Variants in PRODH2 observed in about 807,000 individuals in gnomAD.
PRODH2 encodes the protein proline dehydrogenase 2.
PRODH2 carries 49 observed loss-of-function variants against 51.9 expected under a neutral mutation model. The observed-to-expected ratio is 0.94, with a 90% CI of 0.75 to 1.20. PRODH2 has a LOEUF of 1.20. PRODH2 is among the 50% of genes most tolerant of loss of function. PRODH2 has a pLI of 0.00. For missense variants in PRODH2, 597 were observed against 610.9 expected, an observed-to-expected ratio of 0.98 and a Z score of 0.24; for synonymous variants, 249 against 260.7, an observed-to-expected ratio of 0.96 and a Z score of 0.43.
intron 4 of PRODH2, among the ~76,000 whole-genome samples, chr19:35,808,761 T>G (rs1488019453): frequency 6.6e-6 from 1 of 151,426 alleles, no homozygotes; most frequent in Non-Finnish European, 1.5e-5. Context: ...AGCCTGGGTC[T>G]TTCTCTCTTT....
chr19:35,812,067 C>G lies in PRODH2; in HGVS notation c.511-19G>C. The G allele has an allele frequency of 6.2e-7, 1 of 1,614,008 alleles. No individual in the cohort carries two copies. On this transcript the variant is annotated intron_variant, in intron 3 of 9. Transcript: ENST00000653904. ...GCTCCTTCTGAAATGGGGTGGTAGG[C>G]GGGGTGGTGAGGGGAGCCCGATGGG...
At position 35,812,613 on chromosome 19, in the gene PRODH2, C is replaced by T. The variant is rs981952846; in HGVS notation, c.174+19G>A. 8 of 1,595,944 alleles carry T rather than the reference C, an allele frequency of 5.0e-6. No homozygotes were observed. The Admixed American group carries it at 1.0e-4, about 20-fold the overall frequency. ...GGCTATGAGGAGCCTCCAGGCTGGTCCTCAGGATCACTGCTCACCAACAGC... is the reference window on the plus strand; with the variant it reads ...GGCTATGAGGAGCCTCCAGGCTGGTTCTCAGGATCACTGCTCACCAACAGC... On this transcript the variant is annotated intron_variant, in intron 1 of 9. Coordinates refer to ENST00000653904, the MANE Select transcript of PRODH2 (RefSeq NM_021232.2).
intron 7 of PRODH2, 61 bp from the exon 8 acceptor site, chr19:35,803,139 G>C: frequency 2.1e-5 from 26 of 1,213,472 alleles, no homozygotes; most frequent in Non-Finnish European, 2.8e-5. Context: ...CAGCGACTGG[G>C]GTGGGTGGGG....
intron 5 of PRODH2, 35 bp from the exon 6 acceptor site, chr19:35,806,865 G>T: frequency 6.4e-7 from 1 of 1,563,804 alleles, no homozygotes; most frequent in South Asian, 1.2e-5. Context: ...AGGGCCCCGG[G>T]TGTCCAGCAG....
At position 35,812,728 on chromosome 19, in the gene PRODH2, G is replaced by C; in HGVS notation, c.78C>G (p.Gly26=). The stretch of plus-strand genomic sequence containing the variant: ...CTGTGCCCTTAAGGTGGAAGGCCCC[G>C]CCATCAAAGCTCAGGGACTGCCAGC... ...SRGWQSLSFD[G]GAFHLKGTGE... is the part of the protein sequence containing the mutation. The change falls in exon 1 of 10, where the codon GGC becomes GGG. Residue 26 remains glycine (G), a synonymous_variant. Transcript: ENST00000653904. The C allele has an allele frequency of 6.2e-7, 1 of 1,611,506 alleles. No homozygotes were observed. Among genetic ancestry groups the C allele is most frequent in the South Asian group, 1.1e-5 (1 of 90,800 alleles).
At position 35,802,239 on chromosome 19, in the gene PRODH2, A is replaced by G. The variant is rs1972444199; in HGVS notation, c.1150T>C (p.Cys384Arg). Residue 384 changes from cysteine (C) to arginine (R), a missense_variant, in exon 9 of 10, where the codon TGT (cysteine) becomes CGT (arginine). Transcript: ENST00000653904. Reference protein sequence around the residue: ...ELGIPLDGTVCFGQLLGMCDH... With the variant: ...ELGIPLDGTVRFGQLLGMCDH... ...CACATGCCCAGAAGTTGTCCGAAAC[A>G]GACAGTCCCATCCAGAGGAATGCCC... The G allele has an allele frequency of 6.2e-7, 1 of 1,614,064 alleles. No individual in the cohort carries two copies. The highest frequency in any genetic ancestry group is 1.3e-5 in the African/African-American group (1 of 74,908).
rs1440867208 is a variant in PRODH2, at chr19:35,806,442, G to T, written c.989C>A (p.Ala330Asp). 6.2e-7 allele frequency: 1 copy of T among 1,613,966 alleles called. No individual in the cohort carries two copies. Among genetic ancestry groups the T allele is most frequent in the African/African-American group, 1.3e-5 (1 of 74,976 alleles). ...GGCCCGGGCCTACCTCTGACTGGTG[G>T]CCTCATAGTCAGGCTGAGTGGGGTC... Reference protein sequence around the residue: ...MEDPTQPDYEATSQSYSRCLE... With the variant: ...MEDPTQPDYEDTSQSYSRCLE... Residue 330 changes from alanine (A) to aspartate (D), a missense_variant, in exon 7 of 10, where the codon GCC becomes GAC. By Grantham distance (126) the Ala-to-Asp change is moderately radical. Coordinates refer to ENST00000653904, the MANE Select transcript of PRODH2 (RefSeq NM_021232.2).
intron 8 of PRODH2, 66 bp from the exon 9 acceptor site, chr19:35,802,342 T>C (rs1972446311): frequency 1.5e-6 from 2 of 1,333,438 alleles, no homozygotes; most frequent in Admixed American, 1.7e-5. Flanking sequence ...TCAGCCACTA[T>C]GCACCCATAT....
chr19:35,803,022 C>A lies in PRODH2; in HGVS notation c.1058G>T (p.Cys353Phe). 1 of 1,576,580 alleles carries A rather than the reference C, an allele frequency of 6.3e-7. No individual in the cohort carries two copies. The highest frequency in any genetic ancestry group is 8.6e-7 in the Non-Finnish European group (1 of 1,158,006). ...LTHVARHGPM[C>F]HLMVASHNEE... ...ATTGTGGGAAGCCACCATGAGGTGGCACATGGGGCCATGGCGGGCCACGTG... is the reference window on the plus strand; with the variant it reads ...ATTGTGGGAAGCCACCATGAGGTGGAACATGGGGCCATGGCGGGCCACGTG... The change falls in exon 8 of 10, where the codon TGC becomes TTC. Residue 353 changes from cysteine (C) to phenylalanine (F), a missense_variant. Cys to Phe is a radical substitution (Grantham distance 205). Coordinates refer to ENST00000653904, the MANE Select transcript of PRODH2 (RefSeq NM_021232.2).
intron 9 of PRODH2, among the ~76,000 whole-genome samples, chr19:35,800,585 A>G (rs1275934400): frequency 6.6e-6 from 1 of 151,890 alleles, no homozygotes; most frequent in Non-Finnish European, 1.5e-5. Flanking sequence ...GGCTGGGGGG[A>G]CACTCCCCAG....
Position 35,806,736 on chromosome 19 carries a change from C to A in PRODH2, c.773G>T (p.Arg258Leu), listed in dbSNP as rs200328227. The A allele has an allele frequency of 6.2e-7, 1 of 1,613,840 alleles. No homozygotes were observed. The highest frequency in any genetic ancestry group is 8.5e-7 in the Non-Finnish European group (1 of 1,179,932). Residue 258 changes from arginine to leucine, a missense_variant, in exon 6 of 10, where the codon CGC (arginine) becomes CTC (leucine). By Grantham distance (102) the Arg-to-Leu change is moderately radical. Coordinates refer to ENST00000653904, the MANE Select transcript of PRODH2 (RefSeq NM_021232.2). ...CCCGCCTTCACCCGGGCTGTTCCAG[C>A]GCACAGCCAGGGCAGCCACCAGCAG... ...LSLLVAALAVRWNSPGEGGPW... is the reference protein window; with the variant it reads ...LSLLVAALAVLWNSPGEGGPW...
At position 35,812,541 on chromosome 19, in the gene PRODH2, G is replaced by T. The variant is rs1160823162; in HGVS notation, c.190C>A (p.Arg64=). The T allele has an allele frequency of 3.1e-6, 5 of 1,613,892 alleles. No homozygotes were observed. The highest frequency in any genetic ancestry group is 4.2e-6 in the Non-Finnish European group (5 of 1,179,870). ...GAGAGCCGGGAGCCCAGGAGTCGCC[G>T]AGACCAGGCCTGGAGCTGGGTGACA... ...THGLLLQAWS[R]RLLGSRLSGA... is the part of the protein sequence containing the mutation. The change falls in exon 2 of 10, where the codon CGG becomes AGG. Residue 64 remains arginine (R), a synonymous_variant. Coordinates refer to ENST00000653904, the MANE Select transcript of PRODH2 (RefSeq NM_021232.2).
Position 35,802,078 on chromosome 19 carries a change from G to T in PRODH2, c.1198+113C>A. The T allele has an allele frequency of 5.3e-6, 5 of 951,354 alleles. No homozygotes were observed. The South Asian group carries it at 5.5e-5, about 10-fold the overall frequency. 58.9% of individuals were successfully genotyped at this position (951,354 alleles called of 1,614,324 possible). ...AAGGCCCACAGACACTGGAATGACA[G>T]ATCTCTCTGGAAGGATCTGGAGGCT... On this transcript the variant is annotated intron_variant, in intron 9 of 9. Transcript: ENST00000653904.
chr19:35,801,074 G>A, intron 9 of PRODH2, among the ~76,000 whole-genome samples: 1 of 152,144 alleles, frequency 6.6e-6, no homozygotes, highest in East Asian at 1.9e-4. Flanking sequence ...GGCGGAGGCA[G>A]GAGAATCACT....
At chr19:35,811,459 G>GGGAGGGAGGGAGGGAT (rs1159102096) in intron 4 of PRODH2, among the ~76,000 whole-genome samples, 16 of 127,098 alleles carry the variant, frequency 1.3e-4, no homozygotes, top group Non-Finnish European at 2.5e-4. Flanking sequence ...AAGGAAGGAA[G>GGGAGGGAGGGAGGGAT]GGAGGGAGGG....
intron 1 of PRODH2, 24 bp downstream of exon 1, chr19:35,812,608 C>T: frequency 6.3e-7 from 1 of 1,598,068 alleles, no homozygotes; most frequent in Non-Finnish European, 8.5e-7. Flanking sequence ...AGCCTCCAGG[C>T]TGGTCCTCAG....
chr19:35,802,321 A>G (rs1423922676), intron 8 of PRODH2, 45 bp from the exon 9 acceptor site: 2 of 1,583,826 alleles, frequency 1.3e-6, no homozygotes, highest in South Asian at 2.2e-5. Flanking sequence ...GGCTGCATCT[A>G]CAGCTTAAAG....
chr19:35,805,326 G>A (rs895566878), intron 7 of PRODH2, among the ~76,000 whole-genome samples: 1 of 152,088 alleles, frequency 6.6e-6, no homozygotes, highest in Non-Finnish European at 1.5e-5. Context: ...GAGTGTAGTG[G>A]CTCAATCTTG....
At chr19:35,804,630 G>C (rs1044158910) in intron 7 of PRODH2, among the ~76,000 whole-genome samples, 4 of 152,206 alleles carry the variant, frequency 2.6e-5, no homozygotes, top group Non-Finnish European at 5.9e-5. Context: ...CGGTAGGCTA[G>C]TCTGCCTTTA....
Sources: gnomAD v4.1 joint callset for allele counts (sites outside exome capture counted in the v4.1 genomes callset) on GRCh38, gnomAD v4.1.1 for gene constraint, MANE v1.5 for transcripts, NCBI Gene and HGNC (gene_info 2026-07-23, HGNC 2026-07-21) for gene names.